The following GRID1 variants were observed in gnomAD, a reference collection of about 807,000 sequenced individuals.
The protein encoded by GRID1 is glutamate receptor ionotropic, delta-1.
In GRID1, 28 loss-of-function variants were observed where a neutral mutation model predicts 98.0. The ratio of observed to expected loss-of-function variants is 0.29; its 90% CI spans 0.21 to 0.39. GRID1 has a LOEUF of 0.39. Ranked by LOEUF, GRID1 falls within the 10% of genes least tolerant of loss-of-function variation. GRID1 has a pLI of 1.00. For synonymous variants in GRID1, 553 were observed against 538.5 expected (o/e 1.03, Z -0.37); for missense variants, 1,111 against 1,340.5 (o/e 0.83, Z 2.67).
intron 8 of GRID1, among the ~76,000 whole-genome samples, chr10:85,840,053 C>T (rs114156144): frequency 0.011 from 1,658 of 152,008 alleles, 24 homozygotes; most frequent in African/African-American, 0.038. Context: ...GACTGCACCA[C>T]GAAGAAACTG....
chr10:85,856,299 T>C, intron 6 of GRID1, 109 bp from the exon 7 acceptor site: 1 of 955,720 alleles, frequency 1.0e-6, no homozygotes, highest in South Asian at 1.6e-5. Context: ...TAAGCTGTGG[T>C]GCCCAGTATC....
chr10:85,745,645 C>T lies in GRID1; in HGVS notation c.1234-16031G>A, dbSNP rs888897891. Among the ~76,000 whole-genome samples the T allele has an allele frequency of 5.8e-5, 8 of 138,568 alleles. No individual in the cohort carries two copies. The East Asian group carries it at 1.0e-3, about 18-fold the overall frequency. The allele number at this position is 138,568 out of a possible 152,430, so 90.9% of individuals were successfully genotyped here. A position where few individuals can be genotyped will look rare whatever the true frequency, so the allele number is the denominator to read the frequency against. ...CTAGATGACACGTTAGTGGGTGCAG[C>T]GCACCAGCATGGCACATGTATACAT... On this transcript the variant is annotated intron_variant, in intron 8 of 15. Transcript: ENST00000327946.
At position 86,062,561 on chromosome 10, in the gene GRID1, C is replaced by A. The variant is rs1163681722; in HGVS notation, c.726+76258G>T. On this transcript the variant is annotated intron_variant, in intron 4 of 15. Transcript: ENST00000327946. ...TCAAGGTCTGCTTGGAAGAAGCCTGCCCTAGACAAATGCCTACCTTGCTGC... is the reference window on the plus strand; with the variant it reads ...TCAAGGTCTGCTTGGAAGAAGCCTGACCTAGACAAATGCCTACCTTGCTGC... Among the ~76,000 whole-genome samples, 4 of 152,276 alleles carry A rather than the reference C, an allele frequency of 2.6e-5. No individual in the cohort carries two copies. In the East Asian group the frequency reaches 7.7e-4, roughly 29 times the overall value.
intron 4 of GRID1, among the ~76,000 whole-genome samples, chr10:86,068,963 C>T (rs1331303183): frequency 1.3e-5 from 2 of 152,050 alleles, no homozygotes; most frequent in East Asian, 1.9e-4. Context: ...GCAAGTCCTG[C>T]CACAGTCAGA....
intron 13 of GRID1, among the ~76,000 whole-genome samples, chr10:85,635,239 A>G (rs1387533842): frequency 6.6e-6 from 1 of 152,200 alleles, no homozygotes; most frequent in Non-Finnish European, 1.5e-5. Context: ...TAATTTAATA[A>G]GGGAGGCACA....
At chr10:85,863,884 C>T (rs541878830) in intron 6 of GRID1, among the ~76,000 whole-genome samples, 12 of 152,242 alleles carry the variant, frequency 7.9e-5, no homozygotes, top group South Asian at 2.1e-4. Context: ...GTTGTGCATC[C>T]GCATTATCAA....
At chr10:85,649,278 G>T (rs1843235364) in intron 12 of GRID1, among the ~76,000 whole-genome samples, 1 of 152,162 alleles carries the variant, frequency 6.6e-6, no homozygotes, top group African/African-American at 2.4e-5. Flanking sequence ...GCACTCCTTA[G>T]GTCCCTGCTA....
At chr10:85,652,751 T>C (rs1590175872) in intron 12 of GRID1, among the ~76,000 whole-genome samples, 1 of 152,088 alleles carries the variant, frequency 6.6e-6, no homozygotes, top group African/African-American at 2.4e-5. Context: ...CTGGGTTTCT[T>C]CCCCAGCGCC....
intron 8 of GRID1, among the ~76,000 whole-genome samples, chr10:85,809,254 A>T (rs1170333501): frequency 1.3e-5 from 2 of 152,208 alleles, no homozygotes; most frequent in South Asian, 2.1e-4. Context: ...CCTGTTAAAA[A>T]TGTCTAATAA....
chr10:85,865,836 A>T (rs1843209073), intron 6 of GRID1, among the ~76,000 whole-genome samples: 1 of 150,108 alleles, frequency 6.7e-6, no homozygotes. Flanking sequence ...TTTTCCTCTC[A>T]TGATACCGCC....
At chr10:86,151,966 G>A (rs191571909) in intron 3 of GRID1, among the ~76,000 whole-genome samples, 44 of 152,328 alleles carry the variant, frequency 2.9e-4, no homozygotes, top group Admixed American at 1.4e-3. Flanking sequence ...ATGCCCTATC[G>A]TGGATACTAG....
intron 8 of GRID1, among the ~76,000 whole-genome samples, chr10:85,798,731 T>A (rs1417806854): frequency 6.6e-6 from 1 of 152,162 alleles, no homozygotes; most frequent in South Asian, 2.1e-4. Flanking sequence ...GTTGTTGAGC[T>A]TCTTGTATAT....
chr10:86,188,920 A>G (rs892081347), intron 3 of GRID1, among the ~76,000 whole-genome samples: 1 of 152,194 alleles, frequency 6.6e-6, no homozygotes, highest in African/African-American at 2.4e-5. Flanking sequence ...ACAAGGAGCC[A>G]CAGCGGGAAC....
rs183412349 is a variant in GRID1 at position 85,749,488 on chromosome 10, G to A, written c.1234-19874C>T. Among the ~76,000 whole-genome samples, 155 of 152,248 alleles carry A rather than the reference G, an allele frequency of 1.0e-3. 2 individuals carry two copies. The highest frequency in any genetic ancestry group is 9.5e-3 in the Admixed American group (145 of 15,296). On this transcript the variant is annotated intron_variant, in intron 8 of 15. Coordinates refer to ENST00000327946, the MANE Select transcript of GRID1 (RefSeq NM_017551.3). ...TAAAAATAACAGTCTAGCCTATCCT[G>A]ACCATAATACATCCCCTACATAGGA...
intron 3 of GRID1, among the ~76,000 whole-genome samples, chr10:86,142,438 C>T (rs1845023761): frequency 6.6e-6 from 1 of 152,264 alleles, no homozygotes; most frequent in South Asian, 2.1e-4. Context: ...GAGTGCTAGT[C>T]AGCCCCAGGG....
rs962676128 is a variant in GRID1, at chr10:86,366,012, C to T, written c.79+302G>A. ...GGCCCTCCCGACCCGCCGACGGCCCCGCTAAGGGCGCGGGTCTCGACGCGC... is the reference window on the plus strand; with the variant it reads ...GGCCCTCCCGACCCGCCGACGGCCCTGCTAAGGGCGCGGGTCTCGACGCGC... On this transcript the variant is annotated intron_variant, in intron 1 of 15. Coordinates refer to ENST00000327946, the MANE Select transcript of GRID1 (RefSeq NM_017551.3). This position sits in a 1 kb window ranked among gnomAD's most constrained non-coding sequence, Gnocchi z 4.1. 6.6e-6 allele frequency among the ~76,000 whole-genome samples: 1 copy of T among 152,102 alleles called. No individual in the cohort carries two copies. The highest frequency in any genetic ancestry group is 2.4e-5 in the African/African-American group (1 of 41,450).
intron 8 of GRID1, among the ~76,000 whole-genome samples, chr10:85,770,773 G>A (rs1372712888): frequency 6.6e-6 from 1 of 152,098 alleles, no homozygotes; most frequent in Non-Finnish European, 1.5e-5. Context: ...GAAGTTTAGA[G>A]AAAAAAGAAT....
chr10:86,336,453 G>A lies in GRID1; in HGVS notation c.235+27488C>T, dbSNP rs187683169. Reference sequence around the variant, plus strand: ...TTGCAGCAGTGGCACCCTGAGCTCCGGGTCTCCTCTAGAGCCCAAGCAGGC... The same window carrying A: ...TTGCAGCAGTGGCACCCTGAGCTCCAGGTCTCCTCTAGAGCCCAAGCAGGC... On this transcript the variant is annotated intron_variant, in intron 2 of 15. Transcript: ENST00000327946. Among the ~76,000 whole-genome samples, 142 of 152,218 alleles carry A rather than the reference G, an allele frequency of 9.3e-4. 1 individual carries two copies. Among genetic ancestry groups the A allele is most frequent in the African/African-American group, 3.4e-3 (141 of 41,520 alleles).
intron 4 of GRID1, among the ~76,000 whole-genome samples, chr10:85,948,152 C>T (rs1225470982): frequency 2.6e-5 from 4 of 152,178 alleles, no homozygotes; most frequent in Non-Finnish European, 4.4e-5. Context: ...TTCGTTTTGA[C>T]AAATGTACCA....
Sources: gnomAD v4.1 joint callset for allele counts (sites outside exome capture counted in the v4.1 genomes callset) on GRCh38, gnomAD v4.1.1 for gene constraint, Gnocchi (gnomAD v3.1) non-coding constraint, MANE v1.5 for transcripts, NCBI Gene and HGNC (gene_info 2026-07-23, HGNC 2026-07-21) for gene names.